The following RASEF variants were observed in gnomAD, a reference collection of about 807,000 sequenced individuals.
RASEF encodes the protein RAS and EF-hand domain containing.
RASEF carries 68 observed loss-of-function variants against 90.1 expected under a neutral mutation model. The observed-to-expected ratio is 0.75, with a 90% CI of 0.62 to 0.92. The LOEUF is 0.92. RASEF is among the 40% of genes least tolerant of loss of function. The pLI, the probability that RASEF is intolerant of heterozygous loss-of-function variation, is 0.00. For missense variants in RASEF, 949 were observed against 937.2 expected, an observed-to-expected ratio of 1.01 and a Z score of -0.16; for synonymous variants, 331 against 345.2, an observed-to-expected ratio of 0.96 and a Z score of 0.46.
the RASEF span, among the ~76,000 whole-genome samples, chr9:83,195,448 C>T: frequency 6.6e-6 from 1 of 152,098 alleles, no homozygotes; most frequent in Admixed American, 6.6e-5. Context: ...ACCTAGGAGG[C>T]CCACTGTGGC....
At chr9:83,010,213 T>C (rs950994120) in intron 5 of RASEF, among the ~76,000 whole-genome samples, 1 of 152,240 alleles carries the variant, frequency 6.6e-6, no homozygotes, top group African/African-American at 2.4e-5. Context: ...CACTTAAAAA[T>C]AAACCAGTGT....
chr9:83,063,077 A>C lies in RASEF; in HGVS notation c.-210T>G. 1.9e-6 allele frequency: 1 copy of C among 525,798 alleles called. No individual in the cohort carries two copies. Among genetic ancestry groups the C allele is most frequent in the Non-Finnish European group, 3.2e-6 (1 of 315,656 alleles). 32.6% of individuals were successfully genotyped at this position (525,798 alleles called of 1,614,324 possible). A position where few individuals can be genotyped will look rare whatever the true frequency, so the allele number is the denominator to read the frequency against. On this transcript the variant is annotated 5_prime_UTR_variant, in exon 1 of 17. Coordinates refer to ENST00000376447, the MANE Select transcript of RASEF (RefSeq NM_152573.4). Reference sequence around the variant, plus strand: ...CGACGACGGTTCGGGCCAGCCCCCAACAGGTCCCGGGAGCGGTGGGGTGCG... The same window carrying C: ...CGACGACGGTTCGGGCCAGCCCCCACCAGGTCCCGGGAGCGGTGGGGTGCG...
At chr9:83,137,093 G>C in the RASEF span, among the ~76,000 whole-genome samples, 6 of 152,128 alleles carry the variant, frequency 3.9e-5, no homozygotes, top group Non-Finnish European at 5.9e-5. Context: ...GATAAAGTAG[G>C]AATTCACCTT....
chr9:83,044,883 T>G (rs1829901271), intron 1 of RASEF, among the ~76,000 whole-genome samples: 1 of 152,136 alleles, frequency 6.6e-6, no homozygotes, highest in Non-Finnish European at 1.5e-5. Flanking sequence ...TGTGGGTAGG[T>G]GAGTCTCATC....
the RASEF span, among the ~76,000 whole-genome samples, chr9:83,152,181 A>G: frequency 5.9e-5 from 9 of 152,348 alleles, no homozygotes; most frequent in Non-Finnish European, 1.2e-4. Context: ...ATGGGACACT[A>G]GGCTTGGAAT....
the RASEF span, chr9:83,219,214 G>A: frequency 6.6e-6 from 1 of 152,216 alleles, no homozygotes; most frequent in African/African-American, 2.4e-5. Context: ...TGAGTGCCTG[G>A]ACAGAGAGTT....
the RASEF span, among the ~76,000 whole-genome samples, chr9:83,162,833 G>C: frequency 3.9e-5 from 6 of 152,316 alleles, no homozygotes; most frequent in African/African-American, 1.4e-4. Flanking sequence ...TGTAGACAAG[G>C]CTGAGGATTA....
the RASEF span, among the ~76,000 whole-genome samples, chr9:83,151,187 T>G: frequency 6.6e-6 from 1 of 152,164 alleles, no homozygotes; most frequent in Non-Finnish European, 1.5e-5. Flanking sequence ...CAGACTGACT[T>G]TTAATAGGTT....
chr9:83,004,393 G>T, intron 9 of RASEF, 105 bp downstream of exon 9: 3 of 447,812 alleles, frequency 6.7e-6, no homozygotes, highest in Non-Finnish European at 1.2e-5. Context: ...ATATAAATTA[G>T]TGACCAAAGT....
the RASEF span, among the ~76,000 whole-genome samples, chr9:83,203,886 G>T: frequency 3.3e-5 from 5 of 152,122 alleles, no homozygotes; most frequent in Non-Finnish European, 7.4e-5. Flanking sequence ...CACTCAGAAC[G>T]CAAAACACAT....
chr9:83,038,155 T>A (rs1829776672), intron 1 of RASEF, among the ~76,000 whole-genome samples: 1 of 152,134 alleles, frequency 6.6e-6, no homozygotes, highest in Admixed American at 6.5e-5. Flanking sequence ...TGGTAAGTCT[T>A]GTCTTATAAA....
intron 12 of RASEF, among the ~76,000 whole-genome samples, chr9:82,999,120 TC>T (rs1437993042): frequency 3.3e-5 from 5 of 152,158 alleles, no homozygotes; most frequent in Admixed American, 1.3e-4. Context: ...ATCAGTCTGT[TC>T]TAACATTTCG....
chr9:83,083,076 C>T, the RASEF span, among the ~76,000 whole-genome samples: 2 of 152,148 alleles, frequency 1.3e-5, no homozygotes, highest in East Asian at 3.9e-4. Context: ...ATTTCTGCAT[C>T]CTCTATCTAA....
At chr9:83,140,988 C>A in the RASEF span, among the ~76,000 whole-genome samples, 1 of 151,720 alleles carries the variant, frequency 6.6e-6, no homozygotes, top group African/African-American at 2.4e-5. Context: ...ATTAAAAATA[C>A]AAAACTTAGC....
At chr9:83,185,408 A>G in the RASEF span, among the ~76,000 whole-genome samples, 18 of 150,714 alleles carry the variant, frequency 1.2e-4, no homozygotes, top group Middle Eastern at 3.4e-3. Context: ...GCTGGTCTCA[A>G]ACTCCTGGGC....
At chr9:83,030,581 T>C (rs1376446140) in intron 1 of RASEF, among the ~76,000 whole-genome samples, 1 of 152,192 alleles carries the variant, frequency 6.6e-6, no homozygotes, top group Non-Finnish European at 1.5e-5. Context: ...ACAAATAGAA[T>C]AATTACAGGA....
intron 1 of RASEF, among the ~76,000 whole-genome samples, chr9:83,045,388 A>G (rs541886329): frequency 6.6e-6 from 1 of 152,328 alleles, no homozygotes; most frequent in Admixed American, 6.5e-5. Flanking sequence ...TTAATTTTAA[A>G]TATCATTCAA....
chr9:83,083,317 T>G, the RASEF span, among the ~76,000 whole-genome samples: 3 of 152,190 alleles, frequency 2.0e-5, no homozygotes, highest in Non-Finnish European at 2.9e-5. Context: ...GAAGAGATTT[T>G]TCAGGTTTAA....
chr9:83,032,203 CG>C (rs2118602386), intron 1 of RASEF, among the ~76,000 whole-genome samples: 1 of 152,104 alleles, frequency 6.6e-6, no homozygotes, highest in African/African-American at 2.4e-5. Flanking sequence ...TACCTTCTGA[CG>C]TCAAAGGTTA....
Sources: gnomAD v4.1 joint callset for allele counts (sites outside exome capture counted in the v4.1 genomes callset) on GRCh38, gnomAD v4.1.1 for gene constraint, MANE v1.5 for transcripts, NCBI Gene and HGNC (gene_info 2026-07-23, HGNC 2026-07-21) for gene names.